Variants in LARS1 observed in about 807,000 individuals in gnomAD.
LARS1 encodes leucyl-tRNA synthetase 1.
A neutral mutation model predicts 162.8 loss-of-function variants in LARS1; 100 were observed. The observed-to-expected ratio is 0.61, with a 90% CI of 0.52 to 0.73. The LOEUF is 0.73. Ranked by LOEUF, LARS1 falls within the 30% of genes least tolerant of loss-of-function variation. LARS1 has a pLI of 0.00. For synonymous variants in LARS1, 457 were observed against 462.8 expected, an observed-to-expected ratio of 0.99 and a Z score of 0.16; for missense variants, 1,258 against 1,408.9, an observed-to-expected ratio of 0.89 and a Z score of 1.71.
chr5:146,140,766 C>T (rs1303084240), intron 20 of LARS1, among the ~76,000 whole-genome samples: 1 of 152,134 alleles, frequency 6.6e-6, no homozygotes, highest in African/African-American at 2.4e-5. Flanking sequence ...GATCGCGCCA[C>T]TGCACTCCAG....
At chr5:146,164,568 A>C in intron 5 of LARS1, 97 bp from the exon 6 acceptor site, 8 of 1,171,900 alleles carry the variant, frequency 6.8e-6, no homozygotes, top group Non-Finnish European at 1.0e-5. Context: ...TTTACATTCT[A>C]AAATAATGCT....
chr5:146,130,214 A>C, intron 24 of LARS1, 56 bp from the exon 25 acceptor site: 1 of 1,548,074 alleles, frequency 6.5e-7, no homozygotes, highest in Non-Finnish European at 8.8e-7. Context: ...ATAAAAATAA[A>C]GGGAAAAATT....
At position 146,143,499 on chromosome 5, in the gene LARS1, G is replaced by A; in HGVS notation, c.1790C>T (p.Ser597Phe). The A allele has an allele frequency of 6.2e-7, 1 of 1,614,016 alleles. No individual in the cohort carries two copies. The highest frequency in any genetic ancestry group is 8.5e-7 in the Non-Finnish European group (1 of 1,179,956). The change falls in exon 19 of 32, where the codon TCC becomes TTC. Residue 597 changes from serine (S) to phenylalanine (F), a missense_variant. Transcript: ENST00000394434. ...EQWLIESLSD[S>F]TIYMAFYTVA... ...TGTGTAAAATGCCATGTAAATAGTGGAGTCAGAAAGTGATTCAATCAGCCA... is the reference window on the plus strand; with the variant it reads ...TGTGTAAAATGCCATGTAAATAGTGAAGTCAGAAAGTGATTCAATCAGCCA...
chr5:146,153,895 T>G lies in LARS1; in HGVS notation c.1151A>C (p.Lys384Thr). 1 of 1,610,746 alleles carries G rather than the reference T, an allele frequency of 6.2e-7. No individual in the cohort carries two copies. Among genetic ancestry groups the G allele is most frequent in the East Asian group, 2.2e-5 (1 of 44,834 alleles). ...VLPMLTIKEDKGTGVVTSVPS... is the reference protein window; with the variant it reads ...VLPMLTIKEDTGTGVVTSVPS... ...CTAGAAATAAATAAACTCTTTACCTTTATCCTCCTTAATAGTTAGCATTGG... is the reference window on the plus strand; with the variant it reads ...CTAGAAATAAATAAACTCTTTACCTGTATCCTCCTTAATAGTTAGCATTGG... Residue 384 changes from lysine (K) to threonine (T), a missense_variant and splice_region_variant, in exon 11 of 32, where the codon AAA becomes ACA. Coordinates refer to ENST00000394434, the MANE Select transcript of LARS1 (RefSeq NM_020117.11).
chr5:146,130,973 T>C (rs763442035), intron 24 of LARS1, 46 bp downstream of exon 24: 1 of 1,069,694 alleles, frequency 9.3e-7, no homozygotes, highest in South Asian at 1.5e-5. Flanking sequence ...ATACATAATG[T>C]TCACATTGAC....
rs149207533 is a variant in LARS1 at position 146,115,378 on chromosome 5, T to C, written c.3326-1067A>G. Among the ~76,000 whole-genome samples the C allele has an allele frequency of 5.3e-3, 800 of 152,066 alleles. 9 individuals carry two copies. The highest frequency in any genetic ancestry group is 0.018 in the African/African-American group (758 of 41,478). ...GATAAATAATGACTACTCTAAGAAATGGCATTACCAGTTTCTCATTTGCTC... is the reference window on the plus strand; with the variant it reads ...GATAAATAATGACTACTCTAAGAAACGGCATTACCAGTTTCTCATTTGCTC... On this transcript the variant is annotated intron_variant, in intron 31 of 31. Coordinates refer to ENST00000394434, the MANE Select transcript of LARS1 (RefSeq NM_020117.11).
At chr5:146,123,348 T>C (rs909551661) in intron 29 of LARS1, among the ~76,000 whole-genome samples, 1 of 152,038 alleles carries the variant, frequency 6.6e-6, no homozygotes, top group Non-Finnish European at 1.5e-5. Flanking sequence ...ATATATAAAG[T>C]TGTGAGTGGG....
intron 5 of LARS1, among the ~76,000 whole-genome samples, chr5:146,165,455 C>T (rs555104774): frequency 6.6e-6 from 1 of 152,060 alleles, no homozygotes; most frequent in South Asian, 2.1e-4. Context: ...TGCTTGAACC[C>T]AGGAGGCAGA....
At chr5:146,153,513 G>A (rs184426948) in intron 12 of LARS1, among the ~76,000 whole-genome samples, 2 of 152,080 alleles carry the variant, frequency 1.3e-5, no homozygotes, top group Admixed American at 1.3e-4. Flanking sequence ...TCATATGCCA[G>A]ATTTCAATGA....
At position 146,176,930 on chromosome 5, in the gene LARS1, G is replaced by GA. The variant is rs375796847; in HGVS notation, c.125+616dup. ...TAATTTCGTTTTATCAGTCAGCAAA[G>GA]AAAAAAATCTCAAAACATCCTTCTT... On this transcript the variant is annotated intron_variant, in intron 2 of 31. Transcript: ENST00000394434. Among the ~76,000 whole-genome samples, 337 of 151,722 alleles carry GA rather than the reference G, an allele frequency of 2.2e-3. 3 individuals carry two copies. The highest frequency in any genetic ancestry group is 7.8e-3 in the African/African-American group (323 of 41,392).
chr5:146,164,270 A>C, intron 6 of LARS1, 40 bp downstream of exon 6: 2 of 1,573,790 alleles, frequency 1.3e-6, no homozygotes, highest in Non-Finnish European at 8.7e-7. Flanking sequence ...AAAAGCACAT[A>C]CTTGTAAATG....
chr5:146,153,274 G>A (rs1370011482), intron 12 of LARS1, 47 bp from the exon 13 acceptor site: 6 of 1,307,780 alleles, frequency 4.6e-6, no homozygotes, highest in Non-Finnish European at 6.6e-6. Context: ...CACTTTACTG[G>A]GAGAATCATT....
At chr5:146,159,815 A>T (rs1424222649) in intron 7 of LARS1, among the ~76,000 whole-genome samples, 1 of 151,992 alleles carries the variant, frequency 6.6e-6, no homozygotes, top group Non-Finnish European at 1.5e-5. Context: ...TTCATTTCTT[A>T]AGTTATCTTC....
chr5:146,171,363 A>AT (rs1561495362), intron 4 of LARS1, among the ~76,000 whole-genome samples: 1 of 152,052 alleles, frequency 6.6e-6, no homozygotes, highest in Non-Finnish European at 1.5e-5. Flanking sequence ...GTCTCAAAAA[A>AT]AAAATAAAAT....
chr5:146,142,322 GT>G (rs1241877171), intron 20 of LARS1, among the ~76,000 whole-genome samples: 1 of 152,108 alleles, frequency 6.6e-6, no homozygotes. Context: ...TCGTTTTATT[GT>G]TGAAGGAAAA....
intron 6 of LARS1, among the ~76,000 whole-genome samples, 160 bp downstream of exon 6, chr5:146,164,150 T>C (rs1308769444): frequency 1.3e-5 from 2 of 152,102 alleles, no homozygotes; most frequent in Non-Finnish European, 2.9e-5. Flanking sequence ...AGTAAGCAAA[T>C]GCTGTTGGAA....
intron 23 of LARS1, chr5:146,131,370 T>TA: frequency 3.8e-6 from 1 of 265,378 alleles, no homozygotes; most frequent in Non-Finnish European, 7.0e-6. Context: ...TGACACTGCT[T>TA]AGGGCTCCTG....
chr5:146,154,774 T>C (rs1420099917), intron 10 of LARS1, among the ~76,000 whole-genome samples: 1 of 151,976 alleles, frequency 6.6e-6, no homozygotes, highest in African/African-American at 2.4e-5. Context: ...GGAGACCCCG[T>C]CTCAAAAAAT....
rs566565900 is a variant in LARS1, at chr5:146,144,786, A to C, written c.1504-77T>G. On this transcript the variant is annotated intron_variant, in intron 15 of 31. Coordinates refer to ENST00000394434, the MANE Select transcript of LARS1 (RefSeq NM_020117.11). ...ATTCCTCAAGGATAAAAATTACTTT[A>C]AAAAAATGCTATACCACCAATAACT... is the stretch of plus-strand genomic sequence containing the variant. 58 of 1,302,264 alleles carry C rather than the reference A, an allele frequency of 4.5e-5. No homozygotes were observed. The African/African-American group carries it at 8.0e-4, about 18-fold the overall frequency. 80.7% of individuals were successfully genotyped at this position (1,302,264 alleles called of 1,614,324 possible).
Sources: allele counts gnomAD v4.1 joint callset (sites outside exome capture counted in the v4.1 genomes callset), GRCh38; gene constraint gnomAD v4.1.1; transcripts MANE v1.5; gene names NCBI Gene and HGNC (gene_info 2026-07-23, HGNC 2026-07-21).